Variants in ARID1B observed in about 807,000 individuals in gnomAD.
ARID1B encodes the protein AT-rich interactive domain-containing protein 1B.
Under a neutral mutation model 212.3 loss-of-function variants are expected in ARID1B, and 30 were observed. The observed-to-expected ratio is 0.14, with a 90% CI of 0.11 to 0.19. The LOEUF (loss-of-function observed/expected upper bound fraction) is 0.19. Among genes scored for constraint, ARID1B ranks in the 10% least tolerant of loss-of-function variants. ARID1B has a pLI of 1.00. For missense variants in ARID1B, 2,891 were observed against 3,204.0 expected, an observed-to-expected ratio of 0.90 and a Z score of 2.36; for synonymous variants, 1,402 against 1,301.7, an observed-to-expected ratio of 1.08 and a Z score of -1.66.
intron 4 of ARID1B, chr6:157,036,476 C>G (rs1357546103): frequency 4.5e-6 from 1 of 223,660 alleles, no homozygotes; most frequent in African/African-American, 2.3e-5. Flanking sequence ...CCCTCACTGT[C>G]TGTCAGTAAA....
intron 1 of ARID1B, among the ~76,000 whole-genome samples, chr6:156,812,974 G>A (rs181133708): frequency 0.036 from 3,062 of 84,120 alleles, 336 homozygotes; most frequent in Non-Finnish European, 0.037. Flanking sequence ...GTGTGTGTGT[G>A]TGTATGTATA....
chr6:157,009,821 TTAAG>T (rs1779464881), intron 4 of ARID1B, among the ~76,000 whole-genome samples: 2 of 152,102 alleles, frequency 1.3e-5, no homozygotes, highest in African/African-American at 2.4e-5. Flanking sequence ...CACAGAGAGG[TTAAG>T]TAAGTCTTAA....
At chr6:156,834,996 A>T (rs752406998) in intron 2 of ARID1B, among the ~76,000 whole-genome samples, 2 of 145,540 alleles carry the variant, frequency 1.4e-5, no homozygotes, top group Non-Finnish European at 2.9e-5. Flanking sequence ...GCACTTGGGG[A>T]GGCTGAGGTG....
At chr6:157,154,847 C>G (rs1790474481) in intron 8 of ARID1B, among the ~76,000 whole-genome samples, 2 of 152,142 alleles carry the variant, frequency 1.3e-5, no homozygotes. Flanking sequence ...TCCCAAAGTG[C>G]TGGGATTACA....
chr6:157,138,640 G>T (rs910476331), intron 7 of ARID1B, among the ~76,000 whole-genome samples: 1 of 152,182 alleles, frequency 6.6e-6, no homozygotes, highest in Non-Finnish European at 1.5e-5. Context: ...GGATGGTGAT[G>T]CAGATTGACA....
chr6:156,987,745 T>A (rs1027276234), intron 4 of ARID1B, among the ~76,000 whole-genome samples: 16 of 152,196 alleles, frequency 1.1e-4, no homozygotes, highest in African/African-American at 3.9e-4. Context: ...TCATACTTGA[T>A]AGTTATAGTA....
At chr6:156,963,673 AT>A (rs1222426327) in intron 4 of ARID1B, among the ~76,000 whole-genome samples, 1 of 152,242 alleles carries the variant, frequency 6.6e-6, no homozygotes, top group East Asian at 1.9e-4. Flanking sequence ...CAAATGCTAC[AT>A]AAAATCAAAA....
chr6:157,015,073 G>A (rs1253616471), intron 4 of ARID1B, among the ~76,000 whole-genome samples: 7 of 152,146 alleles, frequency 4.6e-5, no homozygotes, highest in Non-Finnish European at 1.0e-4. Context: ...TTTTAATCCA[G>A]CATTTTTCAC....
At chr6:157,027,170 C>T (rs1780714045) in intron 4 of ARID1B, among the ~76,000 whole-genome samples, 1 of 152,020 alleles carries the variant, frequency 6.6e-6, no homozygotes. Flanking sequence ...TTCTTAGCTT[C>T]AAACTTATTA....
intron 18 of ARID1B, among the ~76,000 whole-genome samples, chr6:157,202,629 G>A (rs1794181825): frequency 6.6e-6 from 1 of 151,840 alleles, no homozygotes; most frequent in Non-Finnish European, 1.5e-5. Context: ...CAAGGCTTCA[G>A]CAGTGACTGT....
intron 1 of ARID1B, among the ~76,000 whole-genome samples, chr6:156,809,667 T>A (rs1265177865): frequency 7.1e-6 from 1 of 140,098 alleles, no homozygotes; most frequent in African/African-American, 2.7e-5. Flanking sequence ...GAGGCTCCTG[T>A]ACCACCACCA....
chr6:156,921,283 A>G (rs548190138), intron 3 of ARID1B, among the ~76,000 whole-genome samples: 1 of 152,270 alleles, frequency 6.6e-6, no homozygotes, highest in South Asian at 2.1e-4. Context: ...AGAAATAAAT[A>G]AAGTGGGTAA....
intron 9 of ARID1B, among the ~76,000 whole-genome samples, chr6:157,172,104 G>C (rs370968907): frequency 6.6e-6 from 1 of 152,132 alleles, no homozygotes; most frequent in Non-Finnish European, 1.5e-5. Flanking sequence ...ATGTGGACTC[G>C]CATACATAAG....
At chr6:156,988,897 T>C (rs942805214) in intron 4 of ARID1B, among the ~76,000 whole-genome samples, 3 of 152,206 alleles carry the variant, frequency 2.0e-5, no homozygotes, top group African/African-American at 2.4e-5. Flanking sequence ...CAGTTGCATA[T>C]GTGCGTTCTT....
intron 8 of ARID1B, among the ~76,000 whole-genome samples, chr6:157,165,828 C>T (rs1008680401): frequency 2.6e-5 from 4 of 151,712 alleles, no homozygotes; most frequent in South Asian, 2.1e-4. Context: ...TCAGCCTGGG[C>T]GACAGAATGA....
chr6:157,159,121 A>C (rs1290001743), intron 8 of ARID1B, among the ~76,000 whole-genome samples: 1 of 152,242 alleles, frequency 6.6e-6, no homozygotes, highest in Non-Finnish European at 1.5e-5. Flanking sequence ...CGCTTGAGGC[A>C]GCCCATGTGC....
chr6:157,187,645 A>T (rs1793063451), intron 13 of ARID1B, among the ~76,000 whole-genome samples: 1 of 152,042 alleles, frequency 6.6e-6, no homozygotes, highest in African/African-American at 2.4e-5. Flanking sequence ...TTTACTTTAG[A>T]GTATACATTT....
intron 2 of ARID1B, among the ~76,000 whole-genome samples, chr6:156,884,975 T>C (rs1787392574): frequency 6.6e-6 from 1 of 152,224 alleles, no homozygotes; most frequent in Non-Finnish European, 1.5e-5. Context: ...AAACTAAATA[T>C]GTCAAATGAA....
At chr6:157,143,672 T>C (rs1789530787) in intron 7 of ARID1B, among the ~76,000 whole-genome samples, 1 of 152,102 alleles carries the variant, frequency 6.6e-6, no homozygotes, top group South Asian at 2.1e-4. Flanking sequence ...TGCTAGGGAG[T>C]GTCAGAACCA....
Sources: allele counts gnomAD v4.1 joint callset (sites outside exome capture counted in the v4.1 genomes callset), GRCh38; gene constraint gnomAD v4.1.1; transcripts MANE v1.5; gene names NCBI Gene and HGNC (gene_info 2026-07-23, HGNC 2026-07-21).